The following EFR3A variants were observed in gnomAD, a reference collection of about 807,000 sequenced individuals.
The protein encoded by EFR3A is protein EFR3 homolog A.
EFR3A carries 76 observed loss-of-function variants against 104.4 expected under a neutral mutation model. That is an observed-to-expected ratio of 0.73 (90% CI 0.60 to 0.88). EFR3A has a LOEUF of 0.88. Ranked by LOEUF, EFR3A falls within the 40% of genes least tolerant of loss-of-function variation. The pLI is 0.00. For missense variants in EFR3A, 985 were observed against 1,012.5 expected (o/e 0.97, Z 0.37); for synonymous variants, 330 against 330.0 (o/e 1.00, Z 0.00).
At position 132,012,652 on chromosome 8, in the gene EFR3A, A is replaced by C. The variant is rs558852876; in HGVS notation, c.*1757A>C. Reference sequence around the variant, plus strand: ...ATGTTAATTTTTGACTATATATTTTAAAAAAATCTAAGCAGGGGGACATGC... The same window carrying C: ...ATGTTAATTTTTGACTATATATTTTCAAAAAATCTAAGCAGGGGGACATGC... On this transcript the variant is annotated 3_prime_UTR_variant, in exon 23 of 23. Coordinates refer to ENST00000254624, the MANE Select transcript of EFR3A (RefSeq NM_015137.6). 6.6e-6 allele frequency: 1 copy of C among 152,498 alleles called. No homozygotes were observed. Among genetic ancestry groups the C allele is most frequent in the Non-Finnish European group, 1.5e-5 (1 of 68,006 alleles). The allele number at this position is 152,498 out of a possible 1,614,324, so 9.4% of individuals were successfully genotyped here.
At chr8:131,980,686 T>C (rs932966923) in intron 14 of EFR3A, among the ~76,000 whole-genome samples, 6 of 152,134 alleles carry the variant, frequency 3.9e-5, no homozygotes, top group Admixed American at 1.3e-4. Context: ...TTTACTCTCT[T>C]AGTTATTTTG....
At chr8:131,930,498 GGTCATGTTTTA>G (rs2130496457) in intron 1 of EFR3A, among the ~76,000 whole-genome samples, 1 of 120,138 alleles carries the variant, frequency 8.3e-6, no homozygotes, top group African/African-American at 2.8e-5. Flanking sequence ...TCAAAGGTCT[GGTCATGTTTTA>G]GAAAAACGTG....
In EFR3A at chr8:131,971,411, G is replaced by A. The variant is rs183695778; in HGVS notation, c.1159+768G>A. On this transcript the variant is annotated intron_variant, in intron 10 of 22. Transcript: ENST00000254624. ...TATGGTGTTTCCTTGTGATTAGGCCGTGCGCGGTGGCTCACACCTGTAATC... is the reference window on the plus strand; with the variant it reads ...TATGGTGTTTCCTTGTGATTAGGCCATGCGCGGTGGCTCACACCTGTAATC... Among the ~76,000 whole-genome samples, 23 of 152,192 alleles carry A rather than the reference G, an allele frequency of 1.5e-4. No homozygotes were observed. In the East Asian group the frequency reaches 1.7e-3, roughly 11 times the overall value.
At chr8:131,963,378 A>G (rs1819512045) in intron 8 of EFR3A, among the ~76,000 whole-genome samples, 1 of 152,178 alleles carries the variant, frequency 6.6e-6, no homozygotes, top group African/African-American at 2.4e-5. Flanking sequence ...ATAAAAAATG[A>G]TAAAGGGGAT....
At chr8:131,922,503 A>G (rs962347430) in intron 1 of EFR3A, among the ~76,000 whole-genome samples, 3 of 152,172 alleles carry the variant, frequency 2.0e-5, no homozygotes, top group African/African-American at 7.2e-5. Context: ...TCTGGTCTCA[A>G]GCATTTTTGA....
At chr8:131,949,498 G>A (rs1046757732) in intron 4 of EFR3A, among the ~76,000 whole-genome samples, 5 of 152,036 alleles carry the variant, frequency 3.3e-5, no homozygotes, top group Non-Finnish European at 7.4e-5. Context: ...TTTTCTAAAA[G>A]TTTATTATTA....
At chr8:131,979,260 TA>T in intron 13 of EFR3A, 85 bp from the exon 14 acceptor site, 1 of 1,149,018 alleles carries the variant, frequency 8.7e-7, no homozygotes, top group East Asian at 2.6e-5. Context: ...ATCAAACTCC[TA>T]AGTATAAATA....
At chr8:131,968,922 G>A (rs772691339) in intron 9 of EFR3A, among the ~76,000 whole-genome samples, 21 of 152,156 alleles carry the variant, frequency 1.4e-4, no homozygotes, top group Admixed American at 2.0e-4. Context: ...TTAAGTTGTA[G>A]CCAAATTGTG....
chr8:132,013,023 A>G lies in EFR3A; in HGVS notation c.*2128A>G, dbSNP rs1018870788. The stretch of plus-strand genomic sequence containing the variant: ...TCTTGTTGACAAGGATTCCCAAGAA[A>G]TGGATCTTTTCACTGGCTGACTCTC... On this transcript the variant is annotated 3_prime_UTR_variant, in exon 23 of 23. Transcript: ENST00000254624. 6.6e-6 allele frequency: 1 copy of G among 152,160 alleles called. No homozygotes were observed. Among genetic ancestry groups the G allele is most frequent in the Non-Finnish European group, 1.5e-5 (1 of 68,010 alleles). 9.4% of individuals were successfully genotyped at this position (152,160 alleles called of 1,614,324 possible).
intron 8 of EFR3A, among the ~76,000 whole-genome samples, chr8:131,965,252 A>T (rs1819635153): frequency 6.6e-6 from 1 of 152,346 alleles, no homozygotes; most frequent in Middle Eastern, 3.4e-3. Flanking sequence ...TGCACAGCAG[A>T]AGAAACTACC....
chr8:131,949,985 A>G lies in EFR3A; in HGVS notation c.383A>G (p.Asn128Ser). 6 of 1,593,956 alleles carry G rather than the reference A, an allele frequency of 3.8e-6. No individual in the cohort carries two copies. The highest frequency in any genetic ancestry group is 4.3e-6 in the Non-Finnish European group (5 of 1,173,096). Residue 128 changes from asparagine to serine, a missense_variant, in exon 5 of 23, where the codon AAT (asparagine) becomes AGT (serine). Asn to Ser is a conservative substitution (Grantham distance 46, BLOSUM62 1). Transcript: ENST00000254624. ...GTTTTTTAGTTTGTCAAATTTGCAA[A>G]TATTGAAGAAGACACACCATCCTAT... Reference protein sequence around the residue: ...LGTNSFVKFANIEEDTPSYHR... With the variant: ...LGTNSFVKFASIEEDTPSYHR...
intron 8 of EFR3A, among the ~76,000 whole-genome samples, chr8:131,965,541 C>A (rs570177689): frequency 6.6e-6 from 1 of 152,138 alleles, no homozygotes; most frequent in Admixed American, 6.5e-5. Flanking sequence ...GAATGGCAAT[C>A]ATTAAAAAGT....
At chr8:131,908,620 T>G (rs1325458358) in intron 1 of EFR3A, among the ~76,000 whole-genome samples, 1 of 152,168 alleles carries the variant, frequency 6.6e-6, no homozygotes, top group Non-Finnish European at 1.5e-5. Flanking sequence ...TCAGAAAAGT[T>G]AAGTAACATT....
chr8:131,993,811 G>A (rs1371152655), intron 18 of EFR3A, among the ~76,000 whole-genome samples: 6 of 152,052 alleles, frequency 3.9e-5, no homozygotes, highest in East Asian at 1.9e-4. Context: ...GAACATAGGC[G>A]TGTGCAAACC....
At chr8:131,999,968 A>T (rs905636311) in intron 19 of EFR3A, among the ~76,000 whole-genome samples, 2 of 152,170 alleles carry the variant, frequency 1.3e-5, no homozygotes, top group African/African-American at 4.8e-5. Flanking sequence ...ATGAGGATCT[A>T]GAGTAGCCAG....
At chr8:131,931,537 A>G (rs1440667012) in intron 1 of EFR3A, among the ~76,000 whole-genome samples, 1 of 151,986 alleles carries the variant, frequency 6.6e-6, no homozygotes, top group Non-Finnish European at 1.5e-5. Context: ...GTTTTCTGTA[A>G]TGTTGATTTC....
chr8:131,944,139 C>G (rs551593260), intron 2 of EFR3A, among the ~76,000 whole-genome samples: 3 of 152,158 alleles, frequency 2.0e-5, no homozygotes, highest in Non-Finnish European at 2.9e-5. Context: ...AAGAAACTTA[C>G]GTGGTAACTG....
chr8:131,983,494 T>A (rs898132549), intron 14 of EFR3A, among the ~76,000 whole-genome samples: 3 of 152,090 alleles, frequency 2.0e-5, no homozygotes, highest in African/African-American at 7.2e-5. Context: ...AAGGCTTTAA[T>A]AATCTTTATT....
chr8:131,909,330 C>T (rs576381663), intron 1 of EFR3A, among the ~76,000 whole-genome samples: 9 of 152,128 alleles, frequency 5.9e-5, no homozygotes, highest in Non-Finnish European at 1.0e-4. Flanking sequence ...AAGAGAGGAT[C>T]GCTTTTGGCT....
Sources: gnomAD v4.1 joint callset for allele counts (sites outside exome capture counted in the v4.1 genomes callset) on GRCh38, gnomAD v4.1.1 for gene constraint, MANE v1.5 for transcripts, NCBI Gene and HGNC (gene_info 2026-07-23, HGNC 2026-07-21) for gene names.